PKD1L1: variants seen among roughly 807,000 people sequenced by gnomAD.
The protein encoded by PKD1L1 is polycystin 1 like 1, transient receptor potential channel interacting.
A neutral mutation model predicts 323.4 loss-of-function variants in PKD1L1; 236 were observed. The observed-to-expected ratio is 0.73, with a 90% confidence interval of 0.66 to 0.81. The LOEUF (loss-of-function observed/expected upper bound fraction) is 0.81. Among genes scored for constraint, PKD1L1 ranks in the 40% least tolerant of loss-of-function variants. PKD1L1 has a pLI of 0.00. For synonymous variants in PKD1L1, 1,344 were observed against 1,335.0 expected, an observed-to-expected ratio of 1.01 and a Z score of -0.15; for missense variants, 3,320 against 3,508.0, an observed-to-expected ratio of 0.95 and a Z score of 1.35.
chr7:47,934,986 T>C (rs1787840512), intron 4 of PKD1L1, among the ~76,000 whole-genome samples: 1 of 152,278 alleles, frequency 6.6e-6, no homozygotes, highest in South Asian at 2.1e-4. Context: ...GTGGAGTCAA[T>C]GAGCTCCCGC....
chr7:47,953,718 C>T, the PKD1L1 span, among the ~76,000 whole-genome samples: 1 of 152,212 alleles, frequency 6.6e-6, no homozygotes, highest in Non-Finnish European at 1.5e-5. Context: ...TGTGGGAAGG[C>T]CAAATTTGAA....
Position 47,830,086 on chromosome 7 carries a change from AGCAGGTGCAGCCACT to A in PKD1L1, c.6497_6511del (p.Gln2166_Leu2170del). 6.2e-7 allele frequency: 1 copy of A among 1,614,176 alleles called. No individual in the cohort carries two copies. The highest frequency in any genetic ancestry group is 1.7e-5 in the Admixed American group (1 of 60,026). On this transcript the variant is annotated inframe_deletion, in exon 43 of 57. Transcript: ENST00000289672. Reference sequence around the variant, plus strand: ...AATACAGCAGACCACGGAGAGGGACAGCAGGTGCAGCCACTGCACACATTGCTCCTGGCCAAACCT... The same window carrying A: ...AATACAGCAGACCACGGAGAGGGACAGCACACATTGCTCCTGGCCAAACCT...
chr7:47,847,223 T>C (rs1380541492), intron 31 of PKD1L1, 152 bp from the exon 32 acceptor site: 1 of 569,422 alleles, frequency 1.8e-6, no homozygotes, highest in Non-Finnish European at 2.8e-6. Context: ...AGCCATTTCC[T>C]GTCCCCGAAG....
At chr7:47,925,330 T>TGA (rs1253001795) in intron 7 of PKD1L1, among the ~76,000 whole-genome samples, 3 of 152,000 alleles carry the variant, frequency 2.0e-5, no homozygotes, top group African/African-American at 7.2e-5. Context: ...GTCAATATAG[T>TGA]GAGACTCCTG....
chr7:47,808,959 T>C (rs906361708), intron 51 of PKD1L1, among the ~76,000 whole-genome samples: 2 of 152,032 alleles, frequency 1.3e-5, no homozygotes, highest in African/African-American at 4.8e-5. Flanking sequence ...CTTAGCTTAC[T>C]GTAACCCTTT....
At chr7:47,884,160 T>G (rs1786628133) in intron 19 of PKD1L1, among the ~76,000 whole-genome samples, 1 of 144,536 alleles carries the variant, frequency 6.9e-6, no homozygotes, top group African/African-American at 2.6e-5. Context: ...GGTGTGTGTG[T>G]GTGTGTTTTG....
chr7:47,865,337 G>T, intron 25 of PKD1L1, 65 bp from the exon 26 acceptor site: 1 of 1,435,628 alleles, frequency 7.0e-7, no homozygotes, highest in Non-Finnish European at 9.7e-7. Flanking sequence ...AGCTTGTTTG[G>T]GTTAAAGTTA....
upstream of PKD1L1, among the ~76,000 whole-genome samples, chr7:47,951,936 C>T (rs1038107490): frequency 3.3e-5 from 5 of 152,134 alleles, no homozygotes; most frequent in African/African-American, 4.8e-5. Flanking sequence ...GCACCTGGCC[C>T]ACCAGCATCA....
At chr7:47,859,132 G>A (rs1379985780) in intron 26 of PKD1L1, among the ~76,000 whole-genome samples, 1 of 152,162 alleles carries the variant, frequency 6.6e-6, no homozygotes, top group Non-Finnish European at 1.5e-5. Flanking sequence ...GTGACTATTG[G>A]CCAGCTTCCT....
intron 46 of PKD1L1, chr7:47,819,641 C>A (rs3757379): frequency 0.44 from 467,189 of 1,064,242 alleles, 103,360 homozygotes; most frequent in East Asian, 0.64. Flanking sequence ...CAATGCTCAG[C>A]AGAAAAAAAA....
intron 7 of PKD1L1, among the ~76,000 whole-genome samples, chr7:47,924,122 A>G (rs949066869): frequency 1.3e-5 from 2 of 152,208 alleles, no homozygotes; most frequent in Admixed American, 1.3e-4. Flanking sequence ...TGCAACAAAG[A>G]ATGTAATAAT....
chr7:47,921,520 C>A (rs1308333910), intron 7 of PKD1L1, among the ~76,000 whole-genome samples: 1 of 152,194 alleles, frequency 6.6e-6, no homozygotes, highest in East Asian at 1.9e-4. Context: ...ATCCAGCAAT[C>A]CCACTACTGG....
intron 7 of PKD1L1, among the ~76,000 whole-genome samples, chr7:47,918,986 C>G (rs1169568044): frequency 6.6e-6 from 1 of 151,934 alleles, no homozygotes; most frequent in Non-Finnish European, 1.5e-5. Flanking sequence ...AAACCAAACA[C>G]AAATGCAGCA....
Position 47,906,082 on chromosome 7 carries a change from C to G in PKD1L1, c.1403-120G>C, listed in dbSNP as rs1787200380. ...TCCCCCTTTGAATCTCAATAAATTT[C>G]AAAATTCTAAGCATGTGCTCTGAAA... On this transcript the variant is annotated intron_variant, in intron 9 of 56. Coordinates refer to ENST00000289672, the MANE Select transcript of PKD1L1 (RefSeq NM_138295.5). The G allele has an allele frequency of 8.9e-6, 9 of 1,006,322 alleles. No homozygotes were observed. In the East Asian group the frequency reaches 2.7e-4, roughly 30 times the overall value. 62.3% of individuals were successfully genotyped at this position (1,006,322 alleles called of 1,614,324 possible).
chr7:47,880,274 A>ATTTT (rs1786517137), intron 21 of PKD1L1, among the ~76,000 whole-genome samples: 1 of 69,820 alleles, frequency 1.4e-5, no homozygotes, highest in African/African-American at 7.5e-5. Context: ...ACATATATAT[A>ATTTT]TATATATATA....
intron 26 of PKD1L1, among the ~76,000 whole-genome samples, chr7:47,861,228 T>C (rs1435555570): frequency 6.6e-6 from 1 of 152,246 alleles, no homozygotes; most frequent in African/African-American, 2.4e-5. Flanking sequence ...ATACAGTTTG[T>C]ATCTTAAGAG....
intron 26 of PKD1L1, among the ~76,000 whole-genome samples, chr7:47,863,618 G>A (rs1213150485): frequency 2.0e-5 from 3 of 152,202 alleles, no homozygotes; most frequent in African/African-American, 4.8e-5. Context: ...GGCAGGGAGA[G>A]AATGGGGAGC....
chr7:47,922,596 C>T lies in PKD1L1; in HGVS notation c.1060+6608G>A, dbSNP rs1322254459. Among the ~76,000 whole-genome samples, 6 of 151,628 alleles carry T rather than the reference C, an allele frequency of 4.0e-5. No individual in the cohort carries two copies. In the East Asian group the frequency reaches 7.8e-4, roughly 20 times the overall value. On this transcript the variant is annotated intron_variant, in intron 7 of 56. Transcript: ENST00000289672. ...TGGGAACTGAGTAGCGTCTCTACCC[C>T]GCCGCCACCCCGTCTGGGAGGTGAG...
intron 1 of PKD1L1, among the ~76,000 whole-genome samples, chr7:47,944,108 T>G (rs1788051130): frequency 6.6e-6 from 1 of 152,230 alleles, no homozygotes; most frequent in South Asian, 2.1e-4. Flanking sequence ...CATTTTGGTA[T>G]TTGTCCCTGT....
Sources: allele counts gnomAD v4.1 joint callset (sites outside exome capture counted in the v4.1 genomes callset), GRCh38; gene constraint gnomAD v4.1.1; transcripts MANE v1.5; gene names NCBI Gene and HGNC (gene_info 2026-07-23, HGNC 2026-07-21).